Variants in IL1RAP observed in about 807,000 individuals in gnomAD.
IL1RAP encodes interleukin 1 receptor accessory protein, also known as interleukin-1 receptor accessory protein.
A neutral mutation model predicts 60.7 loss-of-function variants in IL1RAP; 35 were observed. That is an observed-to-expected ratio of 0.58 (90% CI 0.44 to 0.76). The LOEUF is 0.76. IL1RAP is among the 30% of genes least tolerant of loss of function. IL1RAP has a pLI of 0.00. For synonymous variants in IL1RAP, 268 were observed against 250.9 expected, an observed-to-expected ratio of 1.07 and a Z score of -0.64; for missense variants, 572 against 693.9, an observed-to-expected ratio of 0.82 and a Z score of 1.97.
chr3:190,582,807 C>T (rs149675829), intron 3 of IL1RAP, among the ~76,000 whole-genome samples: 5 of 152,292 alleles, frequency 3.3e-5, no homozygotes, highest in South Asian at 2.1e-4. Flanking sequence ...TTCCTTACAG[C>T]GGCCTATATG....
chr3:190,639,102 T>TTG (rs1329513264), intron 9 of IL1RAP, among the ~76,000 whole-genome samples: 2 of 152,026 alleles, frequency 1.3e-5, no homozygotes, highest in African/African-American at 4.8e-5. Context: ...GTGGTGTCCT[T>TTG]TGTGTGTGTG....
intron 4 of IL1RAP, among the ~76,000 whole-genome samples, chr3:190,608,211 T>C (rs1730514421): frequency 1.3e-5 from 2 of 152,180 alleles, no homozygotes; most frequent in Admixed American, 1.3e-4. Context: ...AGAGTATAGT[T>C]ACATGAACTT....
At chr3:190,529,609 CG>C (rs1722810982) in intron 1 of IL1RAP, among the ~76,000 whole-genome samples, 1 of 150,070 alleles carries the variant, frequency 6.7e-6, no homozygotes, top group Non-Finnish European at 1.5e-5. Flanking sequence ...CACTTGAACC[CG>C]GGAGGCGGAG....
intron 1 of IL1RAP, among the ~76,000 whole-genome samples, chr3:190,527,485 A>T (rs1189238982): frequency 6.6e-6 from 1 of 152,148 alleles, no homozygotes; most frequent in Admixed American, 6.5e-5. Flanking sequence ...ACACCTCTGG[A>T]GTCTCCAGGG....
chr3:190,641,265 T>C (rs1335836141), intron 9 of IL1RAP, among the ~76,000 whole-genome samples: 4 of 152,208 alleles, frequency 2.6e-5, no homozygotes, highest in Non-Finnish European at 5.9e-5. Context: ...GCGCCCGGCC[T>C]CTGATAGGAA....
At chr3:190,599,664 G>T (rs1577695239) in intron 3 of IL1RAP, among the ~76,000 whole-genome samples, 1 of 144,938 alleles carries the variant, frequency 6.9e-6, no homozygotes, top group Non-Finnish European at 1.5e-5. Flanking sequence ...TTTTTTTTCT[G>T]TGAATTATTT....
At chr3:190,628,887 G>A (rs1276460618) in intron 8 of IL1RAP, among the ~76,000 whole-genome samples, 2 of 152,156 alleles carry the variant, frequency 1.3e-5, no homozygotes, top group Non-Finnish European at 2.9e-5. Context: ...TGCATGTAAT[G>A]CACTGTGTGG....
Position 190,650,786 on chromosome 3 carries a change from A to G in IL1RAP, c.*2081A>G, listed in dbSNP as rs184904620. 7.1e-3 allele frequency: 6,989 copies of G among 984,494 alleles called. 35 individuals carry two copies. Among genetic ancestry groups the G allele is most frequent in the Non-Finnish European group, 8.0e-3 (6,608 of 829,082 alleles). 61.0% of individuals were successfully genotyped at this position (984,494 alleles called of 1,614,324 possible). A position where few individuals can be genotyped will look rare whatever the true frequency, so the allele number is the denominator to read the frequency against. On this transcript the variant is annotated 3_prime_UTR_variant, in exon 12 of 12. Transcript: ENST00000447382. ...CTATTAACCCTTCACTTACTAGACC[A>G]GAAAAGAACTTATTCCAGATAAGCT...
At chr3:190,624,707 A>G (rs975118706) in intron 7 of IL1RAP, 7 of 212,074 alleles carry the variant, frequency 3.3e-5, no homozygotes, top group Non-Finnish European at 6.2e-5. Flanking sequence ...TCCACTTGAC[A>G]CACCTCTTGT....
rs1734182423 is a variant in IL1RAP at position 190,648,329 on chromosome 3, C to A, written c.1346-9C>A. ...CAACACTAATCCCCATGGTTGTTTT[C>A]TTTCCCAGTTGTCACAGATGAGACT... On this transcript the variant is annotated splice_polypyrimidine_tract_variant and intron_variant, in intron 11 of 11. Coordinates refer to ENST00000447382, the MANE Select transcript of IL1RAP (RefSeq NM_002182.4). 1 of 1,566,298 alleles carries A rather than the reference C, an allele frequency of 6.4e-7. No individual in the cohort carries two copies. Among genetic ancestry groups the A allele is most frequent in the South Asian group, 1.2e-5 (1 of 82,132 alleles).
intron 5 of IL1RAP, 48 bp from the exon 6 acceptor site, chr3:190,620,227 T>TATGCATG (rs757297471): frequency 9.5e-7 from 1 of 1,051,604 alleles, no homozygotes; most frequent in Admixed American, 2.5e-5. Flanking sequence ...GTATGTTTTC[T>TATGCATG]ATGCATGTAT....
chr3:190,542,720 T>C (rs1257140994), intron 1 of IL1RAP, among the ~76,000 whole-genome samples: 1 of 151,954 alleles, frequency 6.6e-6, no homozygotes, highest in Non-Finnish European at 1.5e-5. Flanking sequence ...ACTCCAGATC[T>C]CAGAGTTTGG....
intron 3 of IL1RAP, among the ~76,000 whole-genome samples, chr3:190,599,351 A>C (rs1236737723): frequency 6.6e-6 from 1 of 152,076 alleles, no homozygotes; most frequent in Non-Finnish European, 1.5e-5. Flanking sequence ...TCACCTTCAC[A>C]CTTGATTGTT....
intron 1 of IL1RAP, among the ~76,000 whole-genome samples, chr3:190,535,553 A>C (rs1214824061): frequency 6.6e-6 from 1 of 152,078 alleles, no homozygotes; most frequent in Non-Finnish European, 1.5e-5. Flanking sequence ...ACGACTTATA[A>C]CTCACTCTCA....
chr3:190,570,551 A>ATATTTATT (rs142993218), intron 3 of IL1RAP, among the ~76,000 whole-genome samples: 2 of 150,232 alleles, frequency 1.3e-5, no homozygotes, highest in African/African-American at 2.5e-5. Flanking sequence ...AGATACTTTC[A>ATATTTATT]TATTTATTTA....
At chr3:190,547,505 A>G (rs2108579289) in intron 1 of IL1RAP, among the ~76,000 whole-genome samples, 1 of 152,350 alleles carries the variant, frequency 6.6e-6, no homozygotes, top group South Asian at 2.1e-4. Flanking sequence ...ATACAGAAAC[A>G]TGATATTTCT....
intron 6 of IL1RAP, among the ~76,000 whole-genome samples, chr3:190,623,007 A>C (rs971575326): frequency 1.3e-5 from 2 of 152,204 alleles, no homozygotes; most frequent in African/African-American, 4.8e-5. Context: ...CAGAGATTCC[A>C]AAGGTCTTAG....
chr3:190,540,277 C>T (rs542985881), intron 1 of IL1RAP, among the ~76,000 whole-genome samples: 6 of 152,170 alleles, frequency 3.9e-5, no homozygotes, highest in African/African-American at 1.4e-4. Flanking sequence ...CTCCCTCCTT[C>T]CCAAGGTGTC....
At chr3:190,618,103 G>C (rs9829461) in intron 5 of IL1RAP, among the ~76,000 whole-genome samples, 2 of 152,070 alleles carry the variant, frequency 1.3e-5, no homozygotes, top group South Asian at 2.1e-4. Flanking sequence ...TTTCACTCAG[G>C]CTGGCTCCAG....
Sources: allele counts gnomAD v4.1 joint callset (sites outside exome capture counted in the v4.1 genomes callset), GRCh38; gene constraint gnomAD v4.1.1; transcripts MANE v1.5; gene names NCBI Gene and HGNC (gene_info 2026-07-23, HGNC 2026-07-21).